EIF5B: variants seen among roughly 807,000 people sequenced by gnomAD.
EIF5B encodes the protein eIF-5B.
Under a neutral mutation model 147.5 loss-of-function variants are expected in EIF5B, and 47 were observed. That is an observed-to-expected ratio of 0.32 (90% CI 0.25 to 0.41). The LOEUF is 0.41. Among genes scored for constraint, EIF5B ranks in the 10% least tolerant of loss-of-function variants. The pLI is 1.00. For synonymous variants in EIF5B, 455 were observed against 456.2 expected, an observed-to-expected ratio of 1.00 and a Z score of 0.03; for missense variants, 1,064 against 1,413.2, an observed-to-expected ratio of 0.75 and a Z score of 3.96.
At chr2:99,387,060 C>A (rs1021753711) in intron 14 of EIF5B, among the ~76,000 whole-genome samples, 2 of 152,100 alleles carry the variant, frequency 1.3e-5, no homozygotes, top group African/African-American at 4.8e-5. Flanking sequence ...CAGGTACATG[C>A]CACCACACCT....
intron 21 of EIF5B, among the ~76,000 whole-genome samples, chr2:99,396,020 C>T (rs1675039105): frequency 6.6e-6 from 1 of 152,106 alleles, no homozygotes; most frequent in African/African-American, 2.4e-5. Flanking sequence ...GTTAGGAAGT[C>T]AGTGGCAAGA....
At chr2:99,388,279 C>A (rs781464665) in intron 14 of EIF5B, among the ~76,000 whole-genome samples, 10 of 152,030 alleles carry the variant, frequency 6.6e-5, no homozygotes, top group Non-Finnish European at 1.5e-4. Flanking sequence ...CTTTCTACAT[C>A]TTTTTCTTCT....
At chr2:99,398,434 CCCT>C (rs1675111372) in intron 22 of EIF5B, 1 of 206,496 alleles carries the variant, frequency 4.8e-6, no homozygotes, top group African/African-American at 2.3e-5. Flanking sequence ...GCCTGCTGAT[CCCT>C]CCTATTACGG....
intron 3 of EIF5B, 102 bp downstream of exon 3, chr2:99,360,651 A>G (rs1674190093): frequency 1.9e-6 from 2 of 1,054,108 alleles, no homozygotes; most frequent in Non-Finnish European, 2.7e-6. Flanking sequence ...AGCAGTGTAC[A>G]ATATGTTATT....
At chr2:99,344,894 C>A (rs35254630) in intron 1 of EIF5B, among the ~76,000 whole-genome samples, 9,954 of 152,270 alleles carry the variant, frequency 0.065, 435 homozygotes, top group Non-Finnish European at 0.093. Flanking sequence ...CCCCTCCTTT[C>A]TTTTCTCCAT....
chr2:99,379,000 T>G lies in EIF5B; in HGVS notation c.1843-19T>G. On this transcript the variant is annotated intron_variant, in intron 10 of 23. Coordinates refer to ENST00000289371, the MANE Select transcript of EIF5B (RefSeq NM_015904.4). The stretch of plus-strand genomic sequence containing the variant: ...GAAATAATATTTAATTTTTGATTTT[T>G]TTTTTTTTTTATTTCTAGAAACGGC... The G allele has an allele frequency of 6.7e-7, 1 of 1,490,838 alleles. No individual in the cohort carries two copies. The highest frequency in any genetic ancestry group is 1.4e-5 in the South Asian group (1 of 72,924). 92.4% of individuals were successfully genotyped at this position (1,490,838 alleles called of 1,614,324 possible). A position where few individuals can be genotyped will look rare whatever the true frequency, so the allele number is the denominator to read the frequency against.
chr2:99,338,322 G>A (rs2094249165), intron 1 of EIF5B: 2 of 1,289,072 alleles, frequency 1.6e-6, no homozygotes, highest in Non-Finnish European at 2.0e-6. Flanking sequence ...CTTACCTAGA[G>A]ATTTTTGAGA....
chr2:99,361,373 A>C lies in EIF5B; in HGVS notation c.472A>C (p.Asn158His). ...AGCTAAAGGGAAAGCTCAAAAATCA[A>C]ATAAGAAGTGGGATGGGTCAGAGGA... ...KKAKGKAQKS[N>H]KKWDGSEEDE... is the part of the protein sequence containing the mutation. The change falls in exon 4 of 24, where the codon AAT (asparagine) becomes CAT (histidine). Residue 158 changes from asparagine (N) to histidine (H), a missense_variant. Transcript: ENST00000289371. 3 of 1,611,542 alleles carry C rather than the reference A, an allele frequency of 1.9e-6. No individual in the cohort carries two copies. The highest frequency in any genetic ancestry group is 2.5e-6 in the Non-Finnish European group (3 of 1,179,458).
intron 22 of EIF5B, chr2:99,398,240 GTT>G (rs1675104275): frequency 1.3e-5 from 2 of 152,612 alleles, no homozygotes; most frequent in African/African-American, 4.8e-5. Context: ...AGCTCTCCCT[GTT>G]TTCACTCTTA....
Position 99,337,392 on chromosome 2 carries a change from C to A in EIF5B, c.-163C>A, listed in dbSNP as rs1180537630. On this transcript the variant is annotated 5_prime_UTR_variant, in exon 1 of 24. Transcript: ENST00000289371. Reference sequence around the variant, plus strand: ...TGCGCTTGCGCACTGAGAACTCACACCATATGTGTCCTGTTCCAGTGCGCG... The same window carrying A: ...TGCGCTTGCGCACTGAGAACTCACAACATATGTGTCCTGTTCCAGTGCGCG... 3.5e-6 allele frequency: 3 copies of A among 857,810 alleles called. No homozygotes were observed. Among genetic ancestry groups the A allele is most frequent in the Non-Finnish European group, 5.6e-6 (3 of 532,556 alleles). The allele number at this position is 857,810 out of a possible 1,614,324, so 53.1% of individuals were successfully genotyped here. A position where few individuals can be genotyped will look rare whatever the true frequency, so the allele number is the denominator to read the frequency against.
At chr2:99,386,791 C>G (rs1037911396) in intron 14 of EIF5B, among the ~76,000 whole-genome samples, 18 of 152,100 alleles carry the variant, frequency 1.2e-4, no homozygotes, top group Non-Finnish European at 2.6e-4. Context: ...AGTGATCCAC[C>G]GCTTTGGCCA....
intron 14 of EIF5B, among the ~76,000 whole-genome samples, chr2:99,385,574 A>G (rs975320396): frequency 6.6e-6 from 1 of 152,208 alleles, no homozygotes; most frequent in African/African-American, 2.4e-5. Context: ...AGGTGTATAC[A>G]TTGCTTTTTT....
Position 99,399,468 on chromosome 2 carries a change from C to A in EIF5B, c.*54C>A. The A allele has an allele frequency of 1.3e-6, 2 of 1,530,864 alleles. No individual in the cohort carries two copies. The highest frequency in any genetic ancestry group is 1.8e-6 in the Non-Finnish European group (2 of 1,110,432). 94.8% of individuals were successfully genotyped at this position (1,530,864 alleles called of 1,614,324 possible). On this transcript the variant is annotated 3_prime_UTR_variant, in exon 24 of 24. Coordinates refer to ENST00000289371, the MANE Select transcript of EIF5B (RefSeq NM_015904.4). ...AAATGCAATACTGTGTTGTAATATCCCAACAAAAATCAGACAAAAAATGGA... is the reference window on the plus strand; with the variant it reads ...AAATGCAATACTGTGTTGTAATATCACAACAAAAATCAGACAAAAAATGGA...
At chr2:99,363,496 C>T (rs1266364033) in intron 4 of EIF5B, 149 bp from the exon 5 acceptor site, 6 of 747,082 alleles carry the variant, frequency 8.0e-6, no homozygotes, top group Non-Finnish European at 1.4e-5. Context: ...CCAAAGTGCT[C>T]AGGATGCCTT....
intron 7 of EIF5B, 84 bp from the exon 8 acceptor site, chr2:99,369,308 T>G (rs533629182): frequency 1.9e-6 from 2 of 1,066,242 alleles, no homozygotes; most frequent in African/African-American, 3.2e-5. Flanking sequence ...TACACTACTG[T>G]TTTTTATTCA....
rs755680088 is a variant in EIF5B, at chr2:99,379,035, A to G, written c.1859A>G (p.His620Arg). 9 of 1,566,648 alleles carry G rather than the reference A, an allele frequency of 5.7e-6. No individual in the cohort carries two copies. Among genetic ancestry groups the G allele is most frequent in the African/African-American group, 1.4e-5 (1 of 72,548 alleles). The change falls in exon 11 of 24, where the codon CAT (histidine) becomes CGT (arginine). Residue 620 changes from histidine to arginine, a missense_variant. His to Arg is a conservative substitution (Grantham distance 29). This residue lies in a region of EIF5B where 195 missense variants were observed against 186.3 expected (regional missense o/e 1.05). Coordinates refer to ENST00000289371, the MANE Select transcript of EIF5B (RefSeq NM_015904.4). ...TATTTCTAGAAACGGCGACTTGAAC[A>G]TAGTAAAAATGTAAACACCGAAAAG... Reference protein sequence around the residue: ...KRRIEKRRLEHSKNVNTEKLR... With the variant: ...KRRIEKRRLERSKNVNTEKLR...
At chr2:99,358,681 C>T (rs923408282) in intron 1 of EIF5B, among the ~76,000 whole-genome samples, 1 of 152,114 alleles carries the variant, frequency 6.6e-6, no homozygotes, top group Non-Finnish European at 1.5e-5. Context: ...CTTTTGTGAG[C>T]CCTCTTGAGG....
intron 22 of EIF5B, chr2:99,397,814 C>T (rs1420825550): frequency 6.6e-6 from 1 of 152,166 alleles, no homozygotes; most frequent in Non-Finnish European, 1.5e-5. Context: ...CACTGGCAAG[C>T]GTTGCCTAAG....
At position 99,379,410 on chromosome 2, in the gene EIF5B, GA is replaced by G; in HGVS notation, c.2044del (p.Thr682LeufsTer3). 5.0e-6 allele frequency: 8 copies of G among 1,609,866 alleles called. No homozygotes were observed. The highest frequency in any genetic ancestry group is 5.9e-6 in the Non-Finnish European group (7 of 1,178,318). ...TTCCTCTTGAAGCTATTAATGAACA[GA>G]CTAAGATGATTAAAAATGTAAGTAC... ...NVPLEAINEQ[T>X]KMIKNFDREN... On this transcript the variant is annotated frameshift_variant, in exon 12 of 24. Transcript: ENST00000289371. LOFTEE classifies it high-confidence loss of function.
Sources: allele counts gnomAD v4.1 joint callset (sites outside exome capture counted in the v4.1 genomes callset), GRCh38; gene constraint gnomAD v4.1.1; regional missense constraint gnomAD v4.1.1; transcripts MANE v1.5; gene names NCBI Gene and HGNC (gene_info 2026-07-23, HGNC 2026-07-21).